Variants in ZNF100 observed in about 807,000 individuals in gnomAD.
The protein encoded by ZNF100 is zinc finger protein 100.
ZNF100 carries 12 observed loss-of-function variants against 15.8 expected under a neutral mutation model. The ratio of observed to expected loss-of-function variants is 0.76; its 90% confidence interval spans 0.49 to 1.23. The LOEUF is 1.23. Among genes scored for constraint, ZNF100 ranks in the 50% most tolerant of loss-of-function variants. ZNF100 has a pLI of 0.00. For synonymous variants in ZNF100, 226 were observed against 214.8 expected, an observed-to-expected ratio of 1.05 and a Z score of -0.45; for missense variants, 670 against 635.6, an observed-to-expected ratio of 1.05 and a Z score of -0.58.
chr19:21,767,529 A>G lies in ZNF100; in HGVS notation c.-100T>C. 14 of 1,538,052 alleles carry G rather than the reference A, an allele frequency of 9.1e-6. No homozygotes were observed. The highest frequency in any genetic ancestry group is 1.2e-5 in the Non-Finnish European group (14 of 1,132,004). On this transcript the variant is annotated 5_prime_UTR_variant, in exon 1 of 5. Coordinates refer to ENST00000358296, the MANE Select transcript of ZNF100 (RefSeq NM_173531.4). ...CTAGGCCCCTAGGAGCAGAAGACAC[A>G]GAGAAGTGAGAGCAAAACCTGGAGC...
In ZNF100 at chr19:21,726,381, T is replaced by C. The variant is rs1267618642; in HGVS notation, c.*302A>G. The C allele has an allele frequency of 6.2e-6, 2 of 322,062 alleles. No homozygotes were observed. Among genetic ancestry groups the C allele is most frequent in the African/African-American group, 2.2e-5 (1 of 46,458 alleles). The allele number at this position is 322,062 out of a possible 1,614,324, so 20.0% of individuals were successfully genotyped here. The stretch of plus-strand genomic sequence containing the variant: ...ACACATGTAGAAGTTTTCTCCAGTA[T>C]AACTTACCTTACCTACAATCAAGTG... On this transcript the variant is annotated 3_prime_UTR_variant, in exon 5 of 5. Transcript: ENST00000358296.
chr19:21,744,947 A>C lies in ZNF100; in HGVS notation c.217T>G (p.Phe73Val). 2 of 1,606,476 alleles carry C rather than the reference A, an allele frequency of 1.2e-6. No homozygotes were observed. The highest frequency in any genetic ancestry group is 1.7e-6 in the Non-Finnish European group (2 of 1,178,388). ...GTATTAAAGTTATTCTCACCCAAGA[A>C]GACCAGGTTTCTGTAGTTCTCTAAC... ...VMLENYRNLV[F>V]LAGIALTKPD... Residue 73 changes from phenylalanine (F) to valine (V), a missense_variant, in exon 3 of 5, where the codon TTC becomes GTC. Transcript: ENST00000358296.
chr19:21,767,368 C>T, intron 1 of ZNF100, 59 bp downstream of exon 1: 1 of 1,609,916 alleles, frequency 6.2e-7, no homozygotes, highest in Non-Finnish European at 8.5e-7. Flanking sequence ...CAGCTACTTC[C>T]CACCAGTTCC....
intron 2 of ZNF100, among the ~76,000 whole-genome samples, chr19:21,764,194 T>C (rs2036524686): frequency 6.6e-6 from 1 of 152,216 alleles, no homozygotes; most frequent in Admixed American, 6.5e-5. Context: ...AATATTAGCC[T>C]TAGCTCTGAG....
intron 4 of ZNF100, among the ~76,000 whole-genome samples, chr19:21,730,653 T>G (rs2035899804): frequency 6.6e-6 from 1 of 152,126 alleles, no homozygotes. Context: ...AAACAATTAT[T>G]TCTAACAGAG....
At position 21,745,069 on chromosome 19, in the gene ZNF100, T is replaced by C; in HGVS notation, c.97-2A>G. 1 of 1,609,426 alleles carries C rather than the reference T, an allele frequency of 6.2e-7. No individual in the cohort carries two copies. The highest frequency in any genetic ancestry group is 1.1e-5 in the South Asian group (1 of 90,134). On this transcript the variant is annotated splice_acceptor_variant, in intron 2 of 4. Transcript: ENST00000358296. LOFTEE classifies it high-confidence loss of function. ...CACATCCCTAAACGTCAATGGCCCC[T>C]GAAAAGCACAAGCACAGAGACACAC...
intron 2 of ZNF100, among the ~76,000 whole-genome samples, chr19:21,750,208 A>T (rs1329889139): frequency 6.6e-6 from 1 of 152,226 alleles, no homozygotes; most frequent in Non-Finnish European, 1.5e-5. Flanking sequence ...ATTGGTCTTA[A>T]ATGGCCACCA....
At chr19:21,750,750 G>C in intron 2 of ZNF100, 1 of 352,590 alleles carries the variant, frequency 2.8e-6, no homozygotes, top group Non-Finnish European at 5.1e-6. Context: ...GGTGCAGCCT[G>C]GGCTGCGCCA....
intron 2 of ZNF100, chr19:21,750,764 T>G: frequency 1.1e-5 from 4 of 350,338 alleles, no homozygotes; most frequent in Non-Finnish European, 1.0e-5. Flanking sequence ...TGCGCCATTG[T>G]TGGGGGAGGG....
chr19:21,751,322 TC>T, intron 2 of ZNF100: 5 of 888,832 alleles, frequency 5.6e-6, no homozygotes, highest in Middle Eastern at 3.3e-4. Flanking sequence ...TGCAAACAGA[TC>T]CCTGGATATT....
At chr19:21,763,051 G>A (rs2036506336) in intron 2 of ZNF100, among the ~76,000 whole-genome samples, 1 of 152,118 alleles carries the variant, frequency 6.6e-6, no homozygotes, top group Admixed American at 6.5e-5. Context: ...GGTCCAAAAT[G>A]GGGAGGCATA....
At chr19:21,738,761 T>C (rs2036055543) in intron 4 of ZNF100, among the ~76,000 whole-genome samples, 1 of 152,044 alleles carries the variant, frequency 6.6e-6, no homozygotes, top group Middle Eastern at 3.2e-3. Flanking sequence ...CTGACCAACA[T>C]GGTGAAATCC....
chr19:21,735,812 G>A (rs182982855), intron 4 of ZNF100, among the ~76,000 whole-genome samples: 51 of 152,030 alleles, frequency 3.4e-4, no homozygotes, highest in Middle Eastern at 3.4e-3. Flanking sequence ...TTTTTGAGAC[G>A]GAGTCTTACT....
intron 2 of ZNF100, among the ~76,000 whole-genome samples, chr19:21,758,045 A>G (rs1568310601): frequency 6.6e-6 from 1 of 152,034 alleles, no homozygotes; most frequent in Admixed American, 6.6e-5. Context: ...AAAAAAAATA[A>G]AGAAAAGATT....
intron 2 of ZNF100, among the ~76,000 whole-genome samples, chr19:21,761,236 T>G (rs1384954609): frequency 1.3e-5 from 2 of 152,222 alleles, no homozygotes; most frequent in Admixed American, 1.3e-4. Context: ...TCTTTTGAAC[T>G]ATTCACACCT....
chr19:21,733,559 A>C (rs2035956890), intron 4 of ZNF100, among the ~76,000 whole-genome samples: 1 of 152,224 alleles, frequency 6.6e-6, no homozygotes, highest in Non-Finnish European at 1.5e-5. Flanking sequence ...GAAAAGACAT[A>C]TCTACAAGAA....
At position 21,727,738 on chromosome 19, in the gene ZNF100, A is replaced by G; in HGVS notation, c.574T>C (p.Ser192Pro). The part of the protein sequence containing the change: ...SAKVFHTFSN[S>P]NRHKIRHTRK... ...GTATGTCTTATCTTATGTCTGTTTG[A>G]ATTTGAAAATGTATGAAAGACTTTT... Residue 192 changes from serine (S) to proline (P), a missense_variant, in exon 5 of 5, where the codon TCA (serine) becomes CCA (proline). Coordinates refer to ENST00000358296, the MANE Select transcript of ZNF100 (RefSeq NM_173531.4). 2 of 1,613,880 alleles carry G rather than the reference A, an allele frequency of 1.2e-6. No individual in the cohort carries two copies. The highest frequency in any genetic ancestry group is 1.7e-6 in the Non-Finnish European group (2 of 1,179,878).
intron 4 of ZNF100, among the ~76,000 whole-genome samples, chr19:21,736,018 G>A (rs35715827): frequency 0.092 from 13,997 of 152,086 alleles, 863 homozygotes; most frequent in South Asian, 0.18. Context: ...TCGATCTCCC[G>A]ACCTCATGAT....
chr19:21,759,077 A>G (rs35621425), intron 2 of ZNF100, among the ~76,000 whole-genome samples: 13,593 of 152,230 alleles, frequency 0.089, 798 homozygotes, highest in South Asian at 0.18. Context: ...CCCTGATTCA[A>G]GGTTTAGTCT....
Sources: gnomAD v4.1 joint callset for allele counts (sites outside exome capture counted in the v4.1 genomes callset) on GRCh38, gnomAD v4.1.1 for gene constraint, MANE v1.5 for transcripts, NCBI Gene and HGNC (gene_info 2026-07-23, HGNC 2026-07-21) for gene names.